The following GSTCD variants were observed in gnomAD, a reference collection of about 807,000 sequenced individuals.
GSTCD encodes the protein glutathione S-transferase C-terminal domain-containing protein.
GSTCD carries 44 observed loss-of-function variants against 68.3 expected under a neutral mutation model. The observed-to-expected ratio is 0.64, with a 90% CI of 0.51 to 0.83. The LOEUF is 0.83. Among genes scored for constraint, GSTCD ranks in the 40% least tolerant of loss-of-function variants. The pLI is 0.00. For synonymous variants in GSTCD, 273 were observed against 255.2 expected (o/e 1.07, Z -0.67); for missense variants, 739 against 735.9 (o/e 1.00, Z -0.05).
intron 3 of GSTCD, among the ~76,000 whole-genome samples, chr4:105,723,309 A>G (rs1258035948): frequency 6.6e-6 from 1 of 151,788 alleles, no homozygotes; most frequent in Non-Finnish European, 1.5e-5. Flanking sequence ...TTTTACTTTA[A>G]CTCAGTAAAT....
chr4:105,818,498 C>T (rs1723117519), intron 5 of GSTCD, among the ~76,000 whole-genome samples: 1 of 151,786 alleles, frequency 6.6e-6, no homozygotes, highest in African/African-American at 2.4e-5. Flanking sequence ...TCGAAAGTAG[C>T]AGATGAGGTT....
At chr4:105,728,928 AC>A (rs1254470323) in intron 4 of GSTCD, among the ~76,000 whole-genome samples, 2 of 152,176 alleles carry the variant, frequency 1.3e-5, no homozygotes, top group Non-Finnish European at 2.9e-5. Context: ...CATTAAAGGC[AC>A]TTATAAAAGA....
Position 105,729,397 on chromosome 4 carries a change from C to G in GSTCD, c.1147-9C>G. ...CCTTAATTTAGAAAGAGGCTATTTCCTTTTCTAGGAAAAGGGCATTGAAGT... is the reference window on the plus strand; with the variant it reads ...CCTTAATTTAGAAAGAGGCTATTTCGTTTTCTAGGAAAAGGGCATTGAAGT... On this transcript the variant is annotated splice_polypyrimidine_tract_variant and intron_variant, in intron 4 of 11. Coordinates refer to ENST00000515279, the MANE Select transcript of GSTCD (RefSeq NM_001370181.1). 6.4e-7 allele frequency: 1 copy of G among 1,572,794 alleles called. No homozygotes were observed. The highest frequency in any genetic ancestry group is 8.7e-7 in the Non-Finnish European group (1 of 1,148,914).
At chr4:105,726,999 A>C (rs1171459603) in intron 4 of GSTCD, among the ~76,000 whole-genome samples, 169 bp downstream of exon 4, 1 of 152,044 alleles carries the variant, frequency 6.6e-6, no homozygotes, top group African/African-American at 2.4e-5. Context: ...ATTTATGTGA[A>C]GTATACTAAA....
At chr4:105,745,905 C>G (rs1281475287) in intron 5 of GSTCD, among the ~76,000 whole-genome samples, 1 of 152,070 alleles carries the variant, frequency 6.6e-6, no homozygotes, top group Non-Finnish European at 1.5e-5. Context: ...ATTAAATGTA[C>G]CTGAGAATTT....
intron 3 of GSTCD, among the ~76,000 whole-genome samples, chr4:105,720,785 T>A (rs956603509): frequency 6.6e-6 from 1 of 152,222 alleles, no homozygotes; most frequent in Non-Finnish European, 1.5e-5. Flanking sequence ...AGCAGTCATT[T>A]GATACATTAT....
chr4:105,837,382 C>T (rs1724166778), intron 9 of GSTCD, among the ~76,000 whole-genome samples: 1 of 152,214 alleles, frequency 6.6e-6, no homozygotes. Context: ...CACTCCCAAG[C>T]CTGCTTACCT....
chr4:105,811,418 G>A (rs1722743923), intron 5 of GSTCD, among the ~76,000 whole-genome samples: 1 of 151,204 alleles, frequency 6.6e-6, no homozygotes, highest in Admixed American at 6.6e-5. Flanking sequence ...CATCTGACCA[G>A]AGAATGATGA....
intron 1 of GSTCD, among the ~76,000 whole-genome samples, chr4:105,709,975 CT>C (rs1041709044): frequency 1.4e-5 from 2 of 147,188 alleles, no homozygotes; most frequent in African/African-American, 2.5e-5. Context: ...GTTTTTTTTT[CT>C]TTTTTTTTAA....
At chr4:105,730,350 G>C (rs987721599) in intron 5 of GSTCD, among the ~76,000 whole-genome samples, 2 of 152,154 alleles carry the variant, frequency 1.3e-5, no homozygotes, top group Non-Finnish European at 2.9e-5. Flanking sequence ...CTAGTTTACA[G>C]TCCCACCAAC....
intron 5 of GSTCD, among the ~76,000 whole-genome samples, chr4:105,782,707 CT>C (rs1735325445): frequency 2.0e-5 from 3 of 152,112 alleles, no homozygotes; most frequent in African/African-American, 7.2e-5. Flanking sequence ...CTCAGGTCCC[CT>C]AGTAGCTGGG....
At chr4:105,732,985 T>C (rs149926116) in intron 5 of GSTCD, among the ~76,000 whole-genome samples, 6,797 of 152,292 alleles carry the variant, frequency 0.045, 210 homozygotes, top group Middle Eastern at 0.13. Flanking sequence ...TCAGTTTCCA[T>C]GTAGTTGAGC....
chr4:105,724,707 CTA>C (rs1300645621), intron 3 of GSTCD, among the ~76,000 whole-genome samples: 8 of 151,880 alleles, frequency 5.3e-5, no homozygotes, highest in Admixed American at 6.6e-5. Context: ...TACAAAATTT[CTA>C]TGAGACCCCT....
intron 5 of GSTCD, among the ~76,000 whole-genome samples, chr4:105,735,030 T>A (rs1378359010): frequency 6.6e-6 from 1 of 152,190 alleles, no homozygotes; most frequent in East Asian, 1.9e-4. Context: ...TGCCTGATCA[T>A]TCCTCTGGAA....
chr4:105,781,715 A>T (rs993585405), intron 5 of GSTCD, among the ~76,000 whole-genome samples: 2 of 152,010 alleles, frequency 1.3e-5, no homozygotes, highest in African/African-American at 4.8e-5. Flanking sequence ...TTTTGATAAG[A>T]TTTTTAAAAA....
At chr4:105,805,764 C>T (rs1252447950) in intron 5 of GSTCD, among the ~76,000 whole-genome samples, 1 of 152,080 alleles carries the variant, frequency 6.6e-6, no homozygotes, top group Non-Finnish European at 1.5e-5. Context: ...TCAAGCTCCC[C>T]TTGTTATATG....
chr4:105,843,819 G>A (rs940603129), intron 11 of GSTCD, among the ~76,000 whole-genome samples: 2 of 151,538 alleles, frequency 1.3e-5, no homozygotes, highest in Non-Finnish European at 2.9e-5. Context: ...AATTAGTATG[G>A]TGGATGGATG....
rs543989958 is a variant in GSTCD at position 105,815,950 on chromosome 4, T to C, written c.1241-7004T>C. On this transcript the variant is annotated intron_variant, in intron 5 of 11. Transcript: ENST00000515279. ...TGGTGTAAATGGTATTTGGATGAAA[T>C]GAAAATATATGTGTTCAATTAACTG... Among the ~76,000 whole-genome samples the C allele has an allele frequency of 3.3e-5, 5 of 152,240 alleles. No homozygotes were observed. In the South Asian group the frequency reaches 1.0e-3, roughly 32 times the overall value.
In GSTCD at chr4:105,766,887, C is replaced by CTTTTTTTTTTTTTTTTTTTTTTTTTTT; in HGVS notation, c.1240+37413_1240+37414insTTTTTTTTTTTTTTTTTTTTTTTTTTT. On this transcript the variant is annotated intron_variant, in intron 5 of 11. Transcript: ENST00000515279. Reference sequence around the variant, plus strand: ...CAAAAGCATGAATAGGTTTTTGACTCTTTTTTTTTTTTTTTTTTTTTTTTT... The same window carrying CTTTTTTTTTTTTTTTTTTTTTTTTTTT: ...CAAAAGCATGAATAGGTTTTTGACTCTTTTTTTTTTTTTTTTTTTTTTTTTTTTTTTTTTTTTTTTTTTTTTTTTTTT... Among the ~76,000 whole-genome samples the CTTTTTTTTTTTTTTTTTTTTTTTTTTT allele has an allele frequency of 2.1e-4, 12 of 57,128 alleles. 1 individual carries two copies. The highest frequency in any genetic ancestry group is 9.6e-4 in the African/African-American group (12 of 12,436). 37.5% of individuals were successfully genotyped at this position (57,128 alleles called of 152,430 possible). A position where few individuals can be genotyped will look rare whatever the true frequency, so the allele number is the denominator to read the frequency against.
Sources: gnomAD v4.1 joint callset for allele counts (sites outside exome capture counted in the v4.1 genomes callset) on GRCh38, gnomAD v4.1.1 for gene constraint, MANE v1.5 for transcripts, NCBI Gene and HGNC (gene_info 2026-07-23, HGNC 2026-07-21) for gene names.